Variants in FBXO3 observed in about 807,000 individuals in gnomAD.
FBXO3 encodes F-box only protein 3.
Under a neutral mutation model 64.8 loss-of-function variants are expected in FBXO3, and 17 were observed. The observed-to-expected ratio is 0.26, with a 90% CI of 0.18 to 0.39. FBXO3 has a LOEUF of 0.39. Ranked by LOEUF, FBXO3 falls within the 10% of genes least tolerant of loss-of-function variation. The pLI is 1.00. For missense variants in FBXO3, 420 were observed against 589.9 expected (o/e 0.71, Z 2.98); for synonymous variants, 182 against 201.6 (o/e 0.90, Z 0.82).
At chr11:33,755,699 T>C (rs1855079141) in intron 5 of FBXO3, 72 bp downstream of exon 5, 1 of 1,105,726 alleles carries the variant, frequency 9.0e-7, no homozygotes. Flanking sequence ...ATCCTGAAAA[T>C]ACCTAATGCA....
At chr11:33,756,110 A>G (rs1855090212) in intron 4 of FBXO3, 135 bp from the exon 5 acceptor site, 2 of 622,446 alleles carry the variant, frequency 3.2e-6, no homozygotes, top group East Asian at 5.5e-5. Flanking sequence ...AATCAGGAAT[A>G]CCCAAAGCAC....
Position 33,741,974 on chromosome 11 carries a change from T to A in FBXO3, c.1350A>T (p.Glu450Asp). ...ADMDESDEDD[E>D]EERRRRVFDV... ...CAAAGACTCTCCTCCGTCTCTCCTC[T>A]TCATCATCTTCATCTGATTCATCCA... The change falls in exon 11 of 11, where the codon GAA becomes GAT. Residue 450 changes from glutamate to aspartate, a missense_variant. Around this residue, in one of 3 missense-constraint regions of FBXO3, gnomAD observed 57 missense variants for 55.4 expected, o/e 1.03. Coordinates refer to ENST00000265651, the MANE Select transcript of FBXO3 (RefSeq NM_012175.4). 2 of 1,613,850 alleles carry A rather than the reference T, an allele frequency of 1.2e-6. No individual in the cohort carries two copies. Among genetic ancestry groups the A allele is most frequent in the Non-Finnish European group, 1.7e-6 (2 of 1,179,770 alleles).
Position 33,755,986 on chromosome 11 carries a change from T to C in FBXO3, c.474-11A>G, listed in dbSNP as rs769744744. The C allele has an allele frequency of 4.3e-6, 7 of 1,612,530 alleles. No individual in the cohort carries two copies. The South Asian group carries it at 5.5e-5, about 13-fold the overall frequency. On this transcript the variant is annotated splice_polypyrimidine_tract_variant and intron_variant, in intron 4 of 10. Coordinates refer to ENST00000265651, the MANE Select transcript of FBXO3 (RefSeq NM_012175.4). ...ATGCTTCCCAATAACCTGAGGAGCA[T>C]ACAGACTCAAACATGTAATACACGG...
intron 7 of FBXO3, 97 bp from the exon 8 acceptor site, chr11:33,750,758 A>G: frequency 2.6e-6 from 3 of 1,152,646 alleles, no homozygotes; most frequent in Non-Finnish European, 3.7e-6. Context: ...AATTTAAATC[A>G]TATTTCAGAC....
In FBXO3 at chr11:33,751,573, G is replaced by T; in HGVS notation, c.759C>A (p.Val253=). 1 of 1,607,016 alleles carries T rather than the reference G, an allele frequency of 6.2e-7. No homozygotes were observed. The highest frequency in any genetic ancestry group is 8.5e-7 in the Non-Finnish European group (1 of 1,177,224). The change falls in exon 7 of 11, where the codon GTC becomes GTA. Residue 253 remains valine, a synonymous_variant. Transcript: ENST00000265651. ...ATFTDWFTSY[V]KNVVSGGFPI... The stretch of plus-strand genomic sequence containing the variant: ...GGAAGCCACCTGATACAACATTTTT[G>T]ACATAAGAGGTAAACCAGTCAGTAA...
At chr11:33,757,016 G>A (rs996620074) in intron 4 of FBXO3, 6 of 518,380 alleles carry the variant, frequency 1.2e-5, no homozygotes, top group Admixed American at 1.9e-5. Flanking sequence ...AGGTGTGAGC[G>A]ACCACACCCT....
chr11:33,768,767 T>A, intron 3 of FBXO3, 84 bp downstream of exon 3: 1 of 1,499,730 alleles, frequency 6.7e-7, no homozygotes, highest in Non-Finnish European at 9.3e-7. Context: ...GTTGCGTAGA[T>A]GACAGAGATT....
intron 10 of FBXO3, chr11:33,745,823 T>C (rs1452800181): frequency 6.6e-6 from 1 of 152,072 alleles, no homozygotes; most frequent in East Asian, 1.9e-4. Context: ...TAGAGAAAAT[T>C]AGTAAAACCA....
rs764412926 is a variant in FBXO3, at chr11:33,771,914, C to T, written c.105-1084G>A. On this transcript the variant is annotated intron_variant, in intron 1 of 10. Transcript: ENST00000265651. ...CTGGAATATGCATGAAAGATGAATT[C>T]AATGCACATCGAGAGTGAAAACTAC... 31 of 152,280 alleles carry T rather than the reference C, an allele frequency of 2.0e-4. No homozygotes were observed. In the Middle Eastern group the frequency reaches 0.017, roughly 84 times the overall value. The allele number at this position is 152,280 out of a possible 1,614,324, so 9.4% of individuals were successfully genotyped here. A position where few individuals can be genotyped will look rare whatever the true frequency, so the allele number is the denominator to read the frequency against.
At chr11:33,757,955 C>CA (rs1285714596) in intron 4 of FBXO3, among the ~76,000 whole-genome samples, 5,302 of 86,312 alleles carry the variant, frequency 0.061, 221 homozygotes, top group East Asian at 0.25. Flanking sequence ...GACCCTGTCT[C>CA]AAAAAAAAAA....
At chr11:33,766,308 A>G (rs1855370682) in intron 3 of FBXO3, among the ~76,000 whole-genome samples, 1 of 152,234 alleles carries the variant, frequency 6.6e-6, no homozygotes, top group Non-Finnish European at 1.5e-5. Context: ...TGTTTCTTCA[A>G]CTTACTAGCA....
In FBXO3 at chr11:33,743,955, G is replaced by A. The variant is rs1479725028; in HGVS notation, c.1240-1871C>T. The A allele has an allele frequency of 2.0e-5, 3 of 152,088 alleles. No homozygotes were observed. Among genetic ancestry groups the A allele is most frequent in the African/African-American group, 7.2e-5 (3 of 41,406 alleles). 9.4% of individuals were successfully genotyped at this position (152,088 alleles called of 1,614,324 possible). A position where few individuals can be genotyped will look rare whatever the true frequency, so the allele number is the denominator to read the frequency against. On this transcript the variant is annotated intron_variant, in intron 10 of 10. Coordinates refer to ENST00000265651, the MANE Select transcript of FBXO3 (RefSeq NM_012175.4). This position sits in a 1 kb window ranked among gnomAD's most constrained non-coding sequence, Gnocchi z 4.6. Reference sequence around the variant, plus strand: ...CCAAGGCAGGGAATTTGATTATATTGTTAATCACAGTGCTCAATAAATAGT... The same window carrying A: ...CCAAGGCAGGGAATTTGATTATATTATTAATCACAGTGCTCAATAAATAGT...
chr11:33,769,079 C>A (rs995496537), intron 2 of FBXO3, 65 bp from the exon 3 acceptor site: 2 of 1,299,522 alleles, frequency 1.5e-6, no homozygotes, highest in Non-Finnish European at 2.1e-6. Context: ...ATTTTAGATA[C>A]CTACAACATA....
At chr11:33,771,571 C>T (rs906619996) in intron 1 of FBXO3, 4 of 152,194 alleles carry the variant, frequency 2.6e-5, no homozygotes, top group Non-Finnish European at 5.9e-5. Context: ...AGAGAAATTA[C>T]AAGTTATATT....
Position 33,741,926 on chromosome 11 carries a change from G to C in FBXO3, c.1398C>G (p.Arg466=), listed in dbSNP as rs1389078044. 4 of 1,612,684 alleles carry C rather than the reference G, an allele frequency of 2.5e-6. No individual in the cohort carries two copies. The highest frequency in any genetic ancestry group is 2.5e-6 in the Non-Finnish European group (3 of 1,179,272). The part of the protein sequence containing the change: ...RVFDVPIRRR[R]CSRLF The stretch of plus-strand genomic sequence containing the variant: ...AGGCTTGCTAAAAAAGGCGTGAGCA[G>C]CGGCGTCTGCGAATGGGAACATCAA... The change falls in exon 11 of 11, where the codon CGC becomes CGG. Residue 466 remains arginine (R), a synonymous_variant. Coordinates refer to ENST00000265651, the MANE Select transcript of FBXO3 (RefSeq NM_012175.4).
At chr11:33,755,639 G>T in intron 5 of FBXO3, 132 bp downstream of exon 5, 1 of 688,356 alleles carries the variant, frequency 1.5e-6, no homozygotes, top group Non-Finnish European at 2.6e-6. Flanking sequence ...ATTAACTCTA[G>T]TTAGAGAGGT....
chr11:33,756,048 T>C lies in FBXO3; in HGVS notation c.474-73A>G. On this transcript the variant is annotated intron_variant, in intron 4 of 10. Coordinates refer to ENST00000265651, the MANE Select transcript of FBXO3 (RefSeq NM_012175.4). Reference sequence around the variant, plus strand: ...AGCTGTGCTTCATCTTTCTGATGAATAATAATTTCCCACTCACAACTTTAT... The same window carrying C: ...AGCTGTGCTTCATCTTTCTGATGAACAATAATTTCCCACTCACAACTTTAT... 3 of 1,241,688 alleles carry C rather than the reference T, an allele frequency of 2.4e-6. No homozygotes were observed. The South Asian group carries it at 3.7e-5, about 15-fold the overall frequency. The allele number at this position is 1,241,688 out of a possible 1,614,324, so 76.9% of individuals were successfully genotyped here.
intron 9 of FBXO3, among the ~76,000 whole-genome samples, chr11:33,747,528 T>C (rs1564986157): frequency 6.6e-6 from 1 of 151,922 alleles, no homozygotes; most frequent in Non-Finnish European, 1.5e-5. Context: ...TTTTTTTTTT[T>C]TGAGACAGAG....
chr11:33,756,988 T>C (rs1338604587), intron 4 of FBXO3: 1 of 518,694 alleles, frequency 1.9e-6, no homozygotes, highest in Non-Finnish European at 3.8e-6. Context: ...TGCGTTGGCA[T>C]CCCAAAGAGC....
Sources: gnomAD v4.1 joint callset for allele counts (sites outside exome capture counted in the v4.1 genomes callset) on GRCh38, gnomAD v4.1.1 for gene constraint, gnomAD v4.1.1 regional missense constraint, Gnocchi (gnomAD v3.1) non-coding constraint, MANE v1.5 for transcripts, NCBI Gene and HGNC (gene_info 2026-07-23, HGNC 2026-07-21) for gene names.